The following USP34 variants were observed in gnomAD, a reference collection of about 807,000 sequenced individuals.
USP34 encodes the protein ubiquitin carboxyl-terminal hydrolase 34.
Under a neutral mutation model 460.3 loss-of-function variants are expected in USP34, and 70 were observed. The ratio of observed to expected loss-of-function variants is 0.15; its 90% CI spans 0.13 to 0.19. The LOEUF is 0.19. USP34 is among the 10% of genes least tolerant of loss of function. The probability of loss-of-function intolerance (pLI) is 1.00; values close to 1 mark genes in which losing one functional copy is unlikely to be tolerated. For missense variants in USP34, 3,985 were observed against 4,236.2 expected (o/e 0.94, Z 1.65); for synonymous variants, 1,647 against 1,405.3 (o/e 1.17, Z -3.85).
At chr2:61,387,826 A>AAT (rs1291822815) in intron 5 of USP34, among the ~76,000 whole-genome samples, 4 of 148,210 alleles carry the variant, frequency 2.7e-5, no homozygotes, top group African/African-American at 7.3e-5. Flanking sequence ...CACATGTAAA[A>AAT]ATATATTTTT....
At chr2:61,256,607 A>G (rs879674079) in intron 47 of USP34, 129 bp from the exon 48 acceptor site, 1 of 711,662 alleles carries the variant, frequency 1.4e-6, no homozygotes, top group East Asian at 3.1e-5. Context: ...GAATTCTTAA[A>G]TTTTAGTAAA....
intron 20 of USP34, among the ~76,000 whole-genome samples, chr2:61,327,231 C>T (rs139472395): frequency 6.6e-6 from 1 of 152,168 alleles, no homozygotes; most frequent in Non-Finnish European, 1.5e-5. Flanking sequence ...ACTGGACATG[C>T]CTTTGCTGCT....
intron 1 of USP34, among the ~76,000 whole-genome samples, chr2:61,424,974 C>G (rs765581806): frequency 6.6e-6 from 1 of 152,116 alleles, no homozygotes; most frequent in Non-Finnish European, 1.5e-5. Context: ...CATGTACCAC[C>G]ACGCCCGGCT....
At chr2:61,253,966 C>T (rs1011862369) in intron 48 of USP34, among the ~76,000 whole-genome samples, 12 of 152,212 alleles carry the variant, frequency 7.9e-5, no homozygotes, top group Non-Finnish European at 1.3e-4. Context: ...AACTCCTGAC[C>T]TCAGGCAATC....
chr2:61,292,899 T>C (rs921764569), intron 33 of USP34, among the ~76,000 whole-genome samples: 1 of 151,786 alleles, frequency 6.6e-6, no homozygotes, highest in Admixed American at 6.5e-5. Flanking sequence ...TTTCCATTTT[T>C]TTATGCAAGT....
chr2:61,234,464 G>A (rs893833131), intron 57 of USP34, among the ~76,000 whole-genome samples: 1 of 152,142 alleles, frequency 6.6e-6, no homozygotes, highest in African/African-American at 2.4e-5. Context: ...GGCATAAACT[G>A]ATCTACTGAG....
At chr2:61,348,686 C>T (rs1303172094) in intron 14 of USP34, 70 bp downstream of exon 14, 17 of 1,539,678 alleles carry the variant, frequency 1.1e-5, no homozygotes, top group Middle Eastern at 3.5e-4. Context: ...TGTATATATA[C>T]CCAATTCAAA....
At chr2:61,193,763 T>C (rs1420924793) in intron 75 of USP34, among the ~76,000 whole-genome samples, 1 of 152,098 alleles carries the variant, frequency 6.6e-6, no homozygotes. Flanking sequence ...ACACAGACCA[T>C]CCTCTTCCAG....
intron 48 of USP34, among the ~76,000 whole-genome samples, chr2:61,253,823 C>T (rs1026831053): frequency 1.3e-5 from 2 of 152,036 alleles, no homozygotes; most frequent in African/African-American, 4.8e-5. Flanking sequence ...CAACCTCTGC[C>T]TCCCAGGTTC....
chr2:61,348,209 C>T lies in USP34; in HGVS notation c.1946G>A (p.Ser649Asn). The change falls in exon 15 of 80, where the codon AGT becomes AAT. Residue 649 changes from serine to asparagine, a missense_variant. Physicochemically the swap from Ser to Asn is conservative, Grantham distance 46. Around this residue, in one of 14 missense-constraint regions of USP34, gnomAD observed 716 missense variants for 626.2 expected, o/e 1.14. Coordinates refer to ENST00000398571, the MANE Select transcript of USP34 (RefSeq NM_014709.4). The part of the protein sequence containing the change: ...GTDLRNRKLE[S>N]QAGICLGDSQ... The stretch of plus-strand genomic sequence containing the variant: ...GTCCCCCAGGCAAATGCCTGCTTGA[C>T]TCTCTAACTTTCTATTCCGAAGATC... 6.2e-7 allele frequency: 1 copy of T among 1,614,180 alleles called. No individual in the cohort carries two copies. Among genetic ancestry groups the T allele is most frequent in the Non-Finnish European group, 8.5e-7 (1 of 1,180,020 alleles).
chr2:61,336,983 G>A (rs1480682645), intron 18 of USP34, among the ~76,000 whole-genome samples: 1 of 151,994 alleles, frequency 6.6e-6, no homozygotes, highest in Non-Finnish European at 1.5e-5. Flanking sequence ...ACCCTTAATG[G>A]CTGCATGATA....
At chr2:61,367,260 CTG>C (rs1692468616) in intron 10 of USP34, among the ~76,000 whole-genome samples, 1 of 152,234 alleles carries the variant, frequency 6.6e-6, no homozygotes, top group Non-Finnish European at 1.5e-5. Context: ...GTATGCGACA[CTG>C]TCTTATAAGG....
chr2:61,375,593 C>T (rs1692768633), intron 8 of USP34, among the ~76,000 whole-genome samples: 1 of 151,910 alleles, frequency 6.6e-6, no homozygotes, highest in Non-Finnish European at 1.5e-5. Context: ...CACAGTGAAA[C>T]CCCGTCTCTA....
Position 61,236,314 on chromosome 2 carries a change from A to G in USP34, c.6842+11T>C, listed in dbSNP as rs773135500. ...GTGTAAAATATCTACTATGAAATTTACCAAACTTACCCAAAATATGTATGT... is the reference window on the plus strand; with the variant it reads ...GTGTAAAATATCTACTATGAAATTTGCCAAACTTACCCAAAATATGTATGT... On this transcript the variant is annotated intron_variant, in intron 54 of 79. Transcript: ENST00000398571. 2.4e-4 allele frequency: 381 copies of G among 1,602,194 alleles called. No individual in the cohort carries two copies. The highest frequency in any genetic ancestry group is 3.2e-4 in the Non-Finnish European group (377 of 1,175,130).
intron 2 of USP34, among the ~76,000 whole-genome samples, chr2:61,408,731 A>G (rs1390990158): frequency 6.6e-6 from 1 of 151,956 alleles, no homozygotes; most frequent in Non-Finnish European, 1.5e-5. Context: ...CCTCTTCTCT[A>G]CTAAAAATAA....
At chr2:61,243,408 A>G (rs7575515) in intron 51 of USP34, among the ~76,000 whole-genome samples, 4,431 of 152,032 alleles carry the variant, frequency 0.029, 223 homozygotes, top group African/African-American at 0.1. Flanking sequence ...CGGCCTCCCA[A>G]CGTGCTGGGA....
chr2:61,294,198 T>C lies in USP34; in HGVS notation c.4462-648A>G, dbSNP rs552789929. On this transcript the variant is annotated intron_variant, in intron 32 of 79. Transcript: ENST00000398571. The stretch of plus-strand genomic sequence containing the variant: ...GTCTCTATTAAAAATACAAAAAAAT[T>C]AGCCGGGTGTGGTGGCGGGCGCCTG... 2.0e-4 allele frequency among the ~76,000 whole-genome samples: 31 copies of C among 151,570 alleles called. No homozygotes were observed. The East Asian group carries it at 6.1e-3, about 30-fold the overall frequency.
intron 19 of USP34, among the ~76,000 whole-genome samples, chr2:61,333,030 C>A (rs1039113810): frequency 1.3e-5 from 2 of 151,986 alleles, no homozygotes; most frequent in African/African-American, 4.8e-5. Flanking sequence ...CAAATGAATC[C>A]TTCAACAAGT....
At chr2:61,361,890 A>C (rs996616653) in intron 10 of USP34, among the ~76,000 whole-genome samples, 2 of 152,184 alleles carry the variant, frequency 1.3e-5, no homozygotes, top group African/African-American at 4.8e-5. Flanking sequence ...AAAATGGAAT[A>C]AAATATTTAC....
Sources: allele counts gnomAD v4.1 joint callset (sites outside exome capture counted in the v4.1 genomes callset), GRCh38; gene constraint gnomAD v4.1.1; regional missense constraint gnomAD v4.1.1; transcripts MANE v1.5; gene names NCBI Gene and HGNC (gene_info 2026-07-23, HGNC 2026-07-21).